Variants in RIMKLB observed in about 807,000 individuals in gnomAD.
The protein encoded by RIMKLB is ribosomal modification protein rimK like family member B, also known as beta-citrylglutamate synthase B.
Under a neutral mutation model 32.0 loss-of-function variants are expected in RIMKLB, and 7 were observed. The observed-to-expected ratio is 0.22, with a 90% CI of 0.12 to 0.41. The LOEUF is 0.41. Among genes scored for constraint, RIMKLB ranks in the 10% least tolerant of loss-of-function variants. RIMKLB has a pLI of 1.00. For missense variants in RIMKLB, 289 were observed against 498.7 expected (o/e 0.58, Z 4.00); for synonymous variants, 172 against 185.1 (o/e 0.93, Z 0.57).
upstream of RIMKLB, among the ~76,000 whole-genome samples, chr12:8,692,989 T>C (rs1942776408): frequency 6.6e-6 from 1 of 152,236 alleles, no homozygotes; most frequent in African/African-American, 2.4e-5. Context: ...TAGGTACTGA[T>C]GATAACTATC....
chr12:8,746,225 C>G (rs1167791467), intron 2 of RIMKLB, among the ~76,000 whole-genome samples: 1 of 151,704 alleles, frequency 6.6e-6, no homozygotes, highest in African/African-American at 2.4e-5. Flanking sequence ...AATTTTTCAT[C>G]CTCAAACTGG....
intron 5 of RIMKLB, among the ~76,000 whole-genome samples, chr12:8,768,392 A>G (rs1950146664): frequency 1.3e-5 from 2 of 152,200 alleles, no homozygotes; most frequent in Admixed American, 1.3e-4. Flanking sequence ...ACGGACCACA[A>G]GTGTGTGCAG....
intron 5 of RIMKLB, among the ~76,000 whole-genome samples, chr12:8,756,276 G>A (rs887160440): frequency 2.6e-5 from 4 of 151,936 alleles, no homozygotes; most frequent in Admixed American, 6.6e-5. Context: ...AACCATGATC[G>A]TACCACTGCA....
At chr12:8,735,188 C>T (rs1024442482) in intron 2 of RIMKLB, among the ~76,000 whole-genome samples, 1 of 152,130 alleles carries the variant, frequency 6.6e-6, no homozygotes, top group African/African-American at 2.4e-5. Flanking sequence ...TGGGGTATTG[C>T]TGCCTACTTA....
At position 8,698,067 on chromosome 12, in the gene RIMKLB, G is replaced by A. The variant is rs994381103; in HGVS notation, c.-287G>A. On this transcript the variant is annotated 5_prime_UTR_variant, in exon 1 of 6. Coordinates refer to ENST00000535829, the MANE Select transcript of RIMKLB (RefSeq NM_001297776.2). Reference sequence around the variant, plus strand: ...TGAGAGTGTGTGGGAGTGGGGTGAGGGAGAAGCTGACGGGACGCGAGGCTG... The same window carrying A: ...TGAGAGTGTGTGGGAGTGGGGTGAGAGAGAAGCTGACGGGACGCGAGGCTG... 6 of 262,330 alleles carry A rather than the reference G, an allele frequency of 2.3e-5. No individual in the cohort carries two copies. Among genetic ancestry groups the A allele is most frequent in the Admixed American group, 5.8e-5 (1 of 17,370 alleles). The allele number at this position is 262,330 out of a possible 1,614,324, so 16.3% of individuals were successfully genotyped here.
chr12:8,774,962 C>T lies in RIMKLB; in HGVS notation c.*1178C>T, dbSNP rs1950643220. ...AAAAAGGATAATTTAGAAAATGGAG[C>T]ATGATGGGAAACAGAGTTTTTGACT... is the stretch of plus-strand genomic sequence containing the variant. On this transcript the variant is annotated 3_prime_UTR_variant, in exon 6 of 6. Transcript: ENST00000535829. 4 of 985,544 alleles carry T rather than the reference C, an allele frequency of 4.1e-6. No individual in the cohort carries two copies. The highest frequency in any genetic ancestry group is 1.2e-4 in the Admixed American group (2 of 16,258). The allele number at this position is 985,544 out of a possible 1,614,324, so 61.0% of individuals were successfully genotyped here.
intron 5 of RIMKLB, among the ~76,000 whole-genome samples, chr12:8,754,670 T>TC (rs1443624183): frequency 1.3e-5 from 2 of 152,196 alleles, no homozygotes; most frequent in Non-Finnish European, 2.9e-5. Flanking sequence ...TTTTCCCTGC[T>TC]CCACCTCCAG....
intron 2 of RIMKLB, among the ~76,000 whole-genome samples, chr12:8,747,041 A>G (rs989749506): frequency 2.0e-5 from 3 of 152,050 alleles, no homozygotes; most frequent in African/African-American, 7.2e-5. Flanking sequence ...GGCCTGGCCA[A>G]AATTTTGTAT....
chr12:8,675,365 A>G, the RIMKLB span, among the ~76,000 whole-genome samples: 1 of 151,946 alleles, frequency 6.6e-6, no homozygotes, highest in Admixed American at 6.6e-5. Flanking sequence ...GTTCTTTTAC[A>G]TTTCTTTTTT....
chr12:8,706,010 A>G (rs1281090309), intron 1 of RIMKLB, among the ~76,000 whole-genome samples: 1 of 152,264 alleles, frequency 6.6e-6, no homozygotes, highest in East Asian at 1.9e-4. Flanking sequence ...AAATACCTTC[A>G]GCAATGTATA....
intron 5 of RIMKLB, among the ~76,000 whole-genome samples, chr12:8,756,790 C>T (rs1270410633): frequency 7.1e-6 from 1 of 140,082 alleles, no homozygotes; most frequent in Admixed American, 7.6e-5. Context: ...CTCCCAGGTT[C>T]AAGCAATTCT....
chr12:8,739,337 C>A (rs1947289956), intron 2 of RIMKLB, among the ~76,000 whole-genome samples: 1 of 152,112 alleles, frequency 6.6e-6, no homozygotes, highest in African/African-American at 2.4e-5. Context: ...CTCATCTCTT[C>A]CTTTCTTTTT....
chr12:8,713,875 T>A lies in RIMKLB; in HGVS notation c.9T>A (p.Ser3Arg). 6.2e-7 allele frequency: 1 copy of A among 1,613,856 alleles called. No individual in the cohort carries two copies. Among genetic ancestry groups the A allele is most frequent in the Non-Finnish European group, 8.5e-7 (1 of 1,179,908 alleles). Reference protein sequence around the residue: MCSSVAAKLWFLT... With the variant: MCRSVAAKLWFLT... ...AGCACAAGCTGATCAAGATGTGTAGTTCTGTGGCTGCCAAGTTGTGGTTTT... is the reference window on the plus strand; with the variant it reads ...AGCACAAGCTGATCAAGATGTGTAGATCTGTGGCTGCCAAGTTGTGGTTTT... Residue 3 changes from serine (S) to arginine (R), a missense_variant, in exon 2 of 6, where the codon AGT (serine) becomes AGA (arginine). Physicochemically the swap from Ser to Arg is moderately radical, Grantham distance 110. This residue lies in a region of RIMKLB where 34 missense variants were observed against 35.3 expected (regional missense o/e 0.96). Transcript: ENST00000535829.
chr12:8,711,159 A>G (rs1434083660), intron 1 of RIMKLB, among the ~76,000 whole-genome samples: 2 of 151,876 alleles, frequency 1.3e-5, no homozygotes, highest in Non-Finnish European at 2.9e-5. Context: ...GCTTGAACCC[A>G]GGAGACAGAA....
At chr12:8,699,470 C>G (rs1464412298) in intron 1 of RIMKLB, among the ~76,000 whole-genome samples, 1 of 152,148 alleles carries the variant, frequency 6.6e-6, no homozygotes, top group Non-Finnish European at 1.5e-5. Flanking sequence ...GAATAAAACA[C>G]TCTCTGAAAT....
Position 8,751,965 on chromosome 12 carries a change from G to A in RIMKLB, c.415G>A (p.Glu139Lys), listed in dbSNP as rs1948655060. The A allele has an allele frequency of 1.2e-6, 2 of 1,612,286 alleles. No homozygotes were observed. The highest frequency in any genetic ancestry group is 1.7e-6 in the Non-Finnish European group (2 of 1,178,702). ...LPDTFSYGGH[E>K]NFAKMIDEAE... Reference sequence around the variant, plus strand: ...TGTATTGCTCAAACCAGGTGGCCACGAAAATTTTGCTAAAATGATTGATGA... The same window carrying A: ...TGTATTGCTCAAACCAGGTGGCCACAAAAATTTTGCTAAAATGATTGATGA... The change falls in exon 4 of 6, where the codon GAA (glutamate) becomes AAA (lysine). Residue 139 changes from glutamate to lysine, a missense_variant. Physicochemically the swap from Glu to Lys is moderately conservative, Grantham distance 56. Coordinates refer to ENST00000535829, the MANE Select transcript of RIMKLB (RefSeq NM_001297776.2).
chr12:8,745,818 T>C (rs1948034671), intron 2 of RIMKLB, among the ~76,000 whole-genome samples: 1 of 148,588 alleles, frequency 6.7e-6, no homozygotes, highest in Non-Finnish European at 1.5e-5. Flanking sequence ...CCTCCGCCTC[T>C]CAAGTAGCTG....
At chr12:8,691,191 T>C (rs1439725165) in intron 1 of RIMKLB, among the ~76,000 whole-genome samples, 1 of 152,112 alleles carries the variant, frequency 6.6e-6, no homozygotes, top group African/African-American at 2.4e-5. Flanking sequence ...AGTAGCATGA[T>C]CATGGTTCAC....
chr12:8,674,692 G>A, the RIMKLB span, among the ~76,000 whole-genome samples: 1,894 of 151,374 alleles, frequency 0.013, 58 homozygotes, highest in African/African-American at 0.042. Context: ...TGGGATTAGA[G>A]GCATGTGACA....
Sources: gnomAD v4.1 joint callset for allele counts (sites outside exome capture counted in the v4.1 genomes callset) on GRCh38, gnomAD v4.1.1 for gene constraint, gnomAD v4.1.1 regional missense constraint, MANE v1.5 for transcripts, NCBI Gene and HGNC (gene_info 2026-07-23, HGNC 2026-07-21) for gene names.